The following CBLB variants were observed in gnomAD, a reference collection of about 807,000 sequenced individuals.
CBLB encodes the protein E3 ubiquitin-protein ligase CBL-B.
A neutral mutation model predicts 104.9 loss-of-function variants in CBLB; 31 were observed. That is an observed-to-expected ratio of 0.30 (90% CI 0.22 to 0.40). CBLB has a LOEUF of 0.40. Among genes scored for constraint, CBLB ranks in the 10% least tolerant of loss-of-function variants. CBLB has a pLI of 1.00. For synonymous variants in CBLB, 440 were observed against 422.6 expected (o/e 1.04, Z -0.51); for missense variants, 1,062 against 1,214.6 (o/e 0.87, Z 1.87).
chr3:105,830,354 AAG>A (rs1407182547), intron 3 of CBLB, among the ~76,000 whole-genome samples: 1 of 152,176 alleles, frequency 6.6e-6, no homozygotes. Flanking sequence ...TTTCCTATCA[AAG>A]ACTTTTCCTT....
upstream of CBLB, chr3:105,869,161 C>T: frequency 8.0e-6 from 5 of 622,008 alleles, no homozygotes; most frequent in Non-Finnish European, 1.2e-5. Context: ...CCTCCTCGCG[C>T]TGCCGCCCCG....
At chr3:105,851,207 A>G (rs1480740715) in intron 3 of CBLB, among the ~76,000 whole-genome samples, 1 of 152,234 alleles carries the variant, frequency 6.6e-6, no homozygotes, top group African/African-American at 2.4e-5. Flanking sequence ...TGGCATAAAG[A>G]AATGAGCTAC....
chr3:105,832,740 T>C (rs1275889172), intron 3 of CBLB, among the ~76,000 whole-genome samples: 1 of 152,164 alleles, frequency 6.6e-6, no homozygotes, highest in Non-Finnish European at 1.5e-5. Flanking sequence ...AAATAGGATG[T>C]AGCTCAAGAT....
In CBLB at chr3:105,702,497, A is replaced by AC. The variant is rs767295407; in HGVS notation, c.1594-39_1594-38insG. On this transcript the variant is annotated intron_variant, in intron 11 of 18. Coordinates refer to ENST00000394030, the MANE Select transcript of CBLB (RefSeq NM_170662.5). ...AAGAGAAAAAAAAAAAAAAAAAAAA[A>AC]AACTAAAGGTTGTACCATGCACTGA... 54 of 1,468,768 alleles carry AC rather than the reference A, an allele frequency of 3.7e-5. No homozygotes were observed. The African/African-American group carries it at 6.5e-4, about 18-fold the overall frequency. 91.0% of individuals were successfully genotyped at this position (1,468,768 alleles called of 1,614,324 possible). A position where few individuals can be genotyped will look rare whatever the true frequency, so the allele number is the denominator to read the frequency against.
At chr3:105,841,844 A>C (rs932241476) in intron 3 of CBLB, among the ~76,000 whole-genome samples, 3 of 152,146 alleles carry the variant, frequency 2.0e-5, no homozygotes, top group African/African-American at 7.2e-5. Flanking sequence ...CATGAGATAC[A>C]TTATGGTTTT....
chr3:105,731,295 T>C lies in CBLB; in HGVS notation c.1203+2714A>G, dbSNP rs547692419. On this transcript the variant is annotated intron_variant, in intron 9 of 18. Transcript: ENST00000394030. ...CAAATAAATACAGTAAGTCCTCAAT[T>C]AATATTGTTAATTAGTTCTTGGAAA... Among the ~76,000 whole-genome samples the C allele has an allele frequency of 6.6e-5, 10 of 152,286 alleles. No homozygotes were observed. In the East Asian group the frequency reaches 7.7e-4, roughly 12 times the overall value.
At chr3:105,728,268 C>G (rs996382301) in intron 9 of CBLB, among the ~76,000 whole-genome samples, 1 of 152,094 alleles carries the variant, frequency 6.6e-6, no homozygotes, top group African/African-American at 2.4e-5. Context: ...AGCAAAGTCT[C>G]AGGATATAAA....
intron 12 of CBLB, among the ~76,000 whole-genome samples, chr3:105,696,600 AT>A (rs771405571): frequency 6.6e-6 from 1 of 151,750 alleles, no homozygotes; most frequent in Non-Finnish European, 1.5e-5. Flanking sequence ...ACTAAGAAAC[AT>A]TTTTTTGTCC....
In CBLB at chr3:105,735,381, T is replaced by C. The variant is rs561973701; in HGVS notation, c.1072-1241A>G. On this transcript the variant is annotated intron_variant, in intron 8 of 18. Coordinates refer to ENST00000394030, the MANE Select transcript of CBLB (RefSeq NM_170662.5). ...TAAATTGCTGATGTCCCTGAAATAA[T>C]AGATAAGTATTGATACTGGTTATGA... is the stretch of plus-strand genomic sequence containing the variant. 9.7e-4 allele frequency among the ~76,000 whole-genome samples: 148 copies of C among 152,248 alleles called. 1 individual carries two copies. Among genetic ancestry groups the C allele is most frequent in the African/African-American group, 3.4e-3 (143 of 41,546 alleles).
In CBLB at chr3:105,734,229, C is replaced by G. The variant is rs892802502; in HGVS notation, c.1072-89G>C. ...AAATTTTCCCAAATAAAATGACGCA[C>G]AGTCAATATCTCACAATTGACCTTG... On this transcript the variant is annotated intron_variant, in intron 8 of 18. Coordinates refer to ENST00000394030, the MANE Select transcript of CBLB (RefSeq NM_170662.5). The G allele has an allele frequency of 3.9e-6, 5 of 1,269,304 alleles. No homozygotes were observed. The African/African-American group carries it at 4.4e-5, about 11-fold the overall frequency. 78.6% of individuals were successfully genotyped at this position (1,269,304 alleles called of 1,614,324 possible).
At chr3:105,735,814 C>G (rs909019023) in intron 8 of CBLB, among the ~76,000 whole-genome samples, 1 of 152,040 alleles carries the variant, frequency 6.6e-6, no homozygotes, top group African/African-American at 2.4e-5. Flanking sequence ...GAAGTGGTGG[C>G]AGGCACCTGT....
intron 1 of CBLB, chr3:105,868,298 C>CCT: frequency 9.6e-7 from 1 of 1,042,284 alleles, no homozygotes; most frequent in Non-Finnish European, 1.2e-6. Flanking sequence ...GTTCACTTCT[C>CCT]TGGCTCCTCG....
intron 3 of CBLB, among the ~76,000 whole-genome samples, chr3:105,797,484 C>T (rs757766043): frequency 2.6e-5 from 4 of 152,110 alleles, no homozygotes; most frequent in Non-Finnish European, 5.9e-5. Flanking sequence ...AAAAACTACC[C>T]ATGGGGAACT....
chr3:105,672,732 TA>T (rs1184491258), intron 17 of CBLB: 1 of 152,130 alleles, frequency 6.6e-6, no homozygotes, highest in Non-Finnish European at 1.5e-5. Context: ...GCCTGTGATT[TA>T]TAGTACAGCA....
intron 9 of CBLB, among the ~76,000 whole-genome samples, chr3:105,728,029 C>G (rs1215497487): frequency 6.6e-6 from 1 of 152,056 alleles, no homozygotes; most frequent in South Asian, 2.1e-4. Flanking sequence ...TATACGAGCT[C>G]TTTTTTGGTT....
chr3:105,700,950 C>T (rs917735612), intron 12 of CBLB, among the ~76,000 whole-genome samples: 1 of 152,184 alleles, frequency 6.6e-6, no homozygotes, highest in African/African-American at 2.4e-5. Flanking sequence ...AAGGACTAGA[C>T]TACTTCTGTA....
intron 4 of CBLB, chr3:105,762,125 T>C (rs1189519452): frequency 6.6e-6 from 1 of 152,314 alleles, no homozygotes; most frequent in African/African-American, 2.4e-5. Context: ...ACTTGGGTAC[T>C]GTTAAAAGCA....
At chr3:105,665,432 TATATATATATAC>T (rs1385609692) in intron 18 of CBLB, among the ~76,000 whole-genome samples, 7,447 of 129,442 alleles carry the variant, frequency 0.058, 378 homozygotes, top group East Asian at 0.31. Context: ...TATATATATA[TATATATATATAC>T]ACACACACAC....
At chr3:105,799,424 G>A (rs1483909515) in intron 3 of CBLB, among the ~76,000 whole-genome samples, 1 of 152,028 alleles carries the variant, frequency 6.6e-6, no homozygotes, top group Non-Finnish European at 1.5e-5. Context: ...TTAAATAGAT[G>A]AGGCAACAGT....
Sources: gnomAD v4.1 joint callset for allele counts (sites outside exome capture counted in the v4.1 genomes callset) on GRCh38, gnomAD v4.1.1 for gene constraint, MANE v1.5 for transcripts, NCBI Gene and HGNC (gene_info 2026-07-23, HGNC 2026-07-21) for gene names.